The following ARVCF variants were observed in gnomAD, a reference collection of about 807,000 sequenced individuals.
ARVCF encodes the protein ARVCF delta catenin family member.
ARVCF carries 66 observed loss-of-function variants against 90.9 expected under a neutral mutation model. The observed-to-expected ratio is 0.73, with a 90% confidence interval of 0.60 to 0.89. The LOEUF (loss-of-function observed/expected upper bound fraction) is 0.89. Among genes scored for constraint, ARVCF ranks in the 40% least tolerant of loss-of-function variants. ARVCF has a pLI of 0.00. For synonymous variants in ARVCF, 653 were observed against 603.4 expected (o/e 1.08, Z -1.21); for missense variants, 1,469 against 1,382.3 (o/e 1.06, Z -1.00).
rs749386990 is a variant in ARVCF, at chr22:19,982,089, C to T, written c.213G>A (p.Glu71=). 2 of 1,610,848 alleles carry T rather than the reference C, an allele frequency of 1.2e-6. No homozygotes were observed. Among genetic ancestry groups the T allele is most frequent in the South Asian group, 1.1e-5 (1 of 91,056 alleles). ...GTGAGGCCTGGCTGCCTGGGCTCTG[C>T]TCCTGGGGCAAGGAGGGACATTGGT... ...PMAWQQLVLQ[E]QSPGSQASLA... The change falls in exon 4 of 20, where the codon GAG becomes GAA. Residue 71 remains glutamate (E), a splice_region_variant and synonymous_variant. Transcript: ENST00000263207.
intron 2 of ARVCF, among the ~76,000 whole-genome samples, chr22:19,993,490 G>A (rs1163997637): frequency 5.3e-5 from 8 of 152,200 alleles, no homozygotes. Flanking sequence ...GAGCCCAGGA[G>A]GGCCCTGGGG....
intron 5 of ARVCF, 195 bp from the exon 6 acceptor site, chr22:19,980,437 A>T (rs1466234516): frequency 1.2e-6 from 1 of 820,064 alleles, no homozygotes; most frequent in African/African-American, 1.8e-5. Flanking sequence ...ATTCAGAGCC[A>T]AATGCCAAAC....
chr22:19,970,135 C>T lies in ARVCF; in HGVS notation c.*621G>A. On this transcript the variant is annotated 3_prime_UTR_variant, in exon 20 of 20. Coordinates refer to ENST00000263207, the MANE Select transcript of ARVCF (RefSeq NM_001670.3). ...AGCCAGCATGGGCTGGAGAAAGGCT[C>T]TCTACTGCACAGGGGCCTCACGTGA... 3 of 985,642 alleles carry T rather than the reference C, an allele frequency of 3.0e-6. No homozygotes were observed. Among genetic ancestry groups the T allele is most frequent in the Non-Finnish European group, 3.6e-6 (3 of 830,122 alleles). The allele number at this position is 985,642 out of a possible 1,614,324, so 61.1% of individuals were successfully genotyped here.
At position 20,012,088 on chromosome 22, in the gene ARVCF, C is replaced by CA. The variant is rs934453463; in HGVS notation, c.-72-1581_-72-1580insT. ...TCCAGGCCTCCCAAAGTCCCCCCCC[C>CA]CCACCCAGTTGGGGAAGTGTGACCA... is the stretch of plus-strand genomic sequence containing the variant. On this transcript the variant is annotated intron_variant, in intron 1 of 19. Transcript: ENST00000263207. 1.0e-4 allele frequency among the ~76,000 whole-genome samples: 14 copies of CA among 139,232 alleles called. 1 individual carries two copies. The highest frequency in any genetic ancestry group is 2.5e-4 in the South Asian group (1 of 4,058). 91.3% of individuals were successfully genotyped at this position (139,232 alleles called of 152,430 possible).
At chr22:20,005,472 T>C (rs1001288948) in intron 2 of ARVCF, among the ~76,000 whole-genome samples, 1 of 151,738 alleles carries the variant, frequency 6.6e-6, no homozygotes, top group African/African-American at 2.4e-5. Flanking sequence ...CTCAAAAAAT[T>C]AAAAATAGAA....
chr22:19,966,376 C>T (rs9332370), downstream of ARVCF, among the ~76,000 whole-genome samples: 6,548 of 150,718 alleles, frequency 0.043, 177 homozygotes, highest in East Asian at 0.053. Context: ...GCCTCTCCAC[C>T]GGGCTGCTGT....
chr22:19,971,908 G>T lies in ARVCF; in HGVS notation c.2759C>A (p.Ala920Asp). ...RPRGASSAGE[A>D]SEKEPLKLDP... ...TACTTTCAAGGGTTCCTTCTCAGAG[G>T]CCTCTCCTGCAGAGCTGGCGCCCCG... Residue 920 changes from alanine (A) to aspartate (D), a missense_variant, in exon 18 of 20, where the codon GCC (alanine) becomes GAC (aspartate). Transcript: ENST00000263207. 6 of 1,613,262 alleles carry T rather than the reference G, an allele frequency of 3.7e-6. No homozygotes were observed. Among genetic ancestry groups the T allele is most frequent in the Non-Finnish European group, 5.1e-6 (6 of 1,179,870 alleles).
At chr22:19,965,484 G>A (rs1942339581), downstream of ARVCF, 1 of 152,176 alleles carries the variant, frequency 6.6e-6, no homozygotes, top group African/African-American at 2.4e-5. Context: ...TGGGACTACA[G>A]GCGCGCGCTG....
intron 2 of ARVCF, among the ~76,000 whole-genome samples, chr22:19,998,091 G>A (rs1425297752): frequency 6.6e-6 from 1 of 152,232 alleles, no homozygotes; most frequent in Non-Finnish European, 1.5e-5. Context: ...CAGGGCCTGG[G>A]AGCCCTGCCC....
downstream of ARVCF, among the ~76,000 whole-genome samples, chr22:19,966,215 G>T (rs918973441): frequency 6.6e-6 from 1 of 152,290 alleles, no homozygotes; most frequent in Admixed American, 6.5e-5. Context: ...CAGGGCTGGG[G>T]CCCTGTGCCC....
intron 2 of ARVCF, among the ~76,000 whole-genome samples, chr22:20,002,125 G>A (rs1274634091): frequency 5.3e-5 from 8 of 152,356 alleles, no homozygotes; most frequent in East Asian, 1.9e-4. Flanking sequence ...GGCTATCAGC[G>A]TCAGGGCTGG....
chr22:19,972,523 T>C, intron 16 of ARVCF, 112 bp from the exon 17 acceptor site: 1 of 1,379,694 alleles, frequency 7.2e-7, no homozygotes, highest in Admixed American at 2.1e-5. Context: ...GTCACTAAGG[T>C]GCCCAACCTC....
chr22:20,003,627 A>T (rs1200770550), intron 2 of ARVCF, among the ~76,000 whole-genome samples: 1 of 152,230 alleles, frequency 6.6e-6, no homozygotes, highest in African/African-American at 2.4e-5. Flanking sequence ...GACAAAAATC[A>T]CAATCATGTC....
chr22:19,977,713 G>T, intron 8 of ARVCF, 127 bp from the exon 9 acceptor site: 1 of 1,305,632 alleles, frequency 7.7e-7, no homozygotes, highest in Non-Finnish European at 1.0e-6. Flanking sequence ...CTCAGTGGAG[G>T]GGAGCAAAAG....
chr22:20,000,948 C>T (rs765492785), intron 2 of ARVCF, among the ~76,000 whole-genome samples: 3 of 152,148 alleles, frequency 2.0e-5, no homozygotes, highest in East Asian at 1.9e-4. Flanking sequence ...GGTGGCAGAG[C>T]GTGAATGAAC....
chr22:19,984,369 A>C (rs935424171), intron 3 of ARVCF, among the ~76,000 whole-genome samples: 2 of 152,154 alleles, frequency 1.3e-5, no homozygotes, highest in African/African-American at 2.4e-5. Flanking sequence ...ACGCCCCCGC[A>C]GCAAGACCTG....
At chr22:20,010,756 C>A (rs1054685130) in intron 1 of ARVCF, among the ~76,000 whole-genome samples, 3 of 152,222 alleles carry the variant, frequency 2.0e-5, no homozygotes, top group African/African-American at 7.2e-5. Context: ...TGTTGACCAT[C>A]CTTCAGAAAC....
At chr22:19,979,231 G>A (rs1056635381) in intron 6 of ARVCF, 151 bp from the exon 7 acceptor site, 4 of 835,796 alleles carry the variant, frequency 4.8e-6, no homozygotes, top group African/African-American at 1.7e-5. Context: ...GGTTCCGGGG[G>A]ACACCCAGTA....
chr22:19,980,099 T>C lies in ARVCF; in HGVS notation c.1040A>G (p.Asp347Gly), dbSNP rs1348648509. The C allele has an allele frequency of 6.3e-7, 1 of 1,586,598 alleles. No homozygotes were observed. The highest frequency in any genetic ancestry group is 2.3e-5 in the East Asian group (1 of 43,972). The change falls in exon 6 of 20, where the codon GAT becomes GGT. Residue 347 changes from aspartate to glycine, a missense_variant. By Grantham distance (94) the Asp-to-Gly change is moderately conservative (BLOSUM62 -1). Transcript: ENST00000263207. ...CCAGCGCGGCTCCTTGCGGGCGCTA[T>C]CCACTGAGGGCGAGCGCCGCACCAG... The part of the protein sequence containing the change: ...DRLVRRSPSV[D>G]SARKEPRWRD...
Sources: gnomAD v4.1 joint callset for allele counts (sites outside exome capture counted in the v4.1 genomes callset) on GRCh38, gnomAD v4.1.1 for gene constraint, MANE v1.5 for transcripts, NCBI Gene and HGNC (gene_info 2026-07-23, HGNC 2026-07-21) for gene names.